SLC20A2: variants seen among roughly 807,000 people sequenced by gnomAD.
SLC20A2 encodes the protein sodium-dependent phosphate transporter 2.
SLC20A2 carries 30 observed loss-of-function variants against 61.0 expected under a neutral mutation model. The ratio of observed to expected loss-of-function variants is 0.49; its 90% CI spans 0.37 to 0.67. The LOEUF is 0.67. Ranked by LOEUF, SLC20A2 falls within the 30% of genes least tolerant of loss-of-function variation. The pLI, the probability that SLC20A2 is intolerant of heterozygous loss-of-function variation, is 0.00. For missense variants in SLC20A2, 626 were observed against 866.4 expected (o/e 0.72, Z 3.48); for synonymous variants, 351 against 353.3 (o/e 0.99, Z 0.07).
chr8:42,487,176 CTTT>C (rs553949254), intron 1 of SLC20A2, among the ~76,000 whole-genome samples: 9 of 98,064 alleles, frequency 9.2e-5, no homozygotes, highest in Non-Finnish European at 1.4e-4. Flanking sequence ...TGGTTTCTTT[CTTT>C]TTTTTTTTTT....
chr8:42,457,536 A>T (rs1284766299), intron 5 of SLC20A2, among the ~76,000 whole-genome samples: 1 of 151,482 alleles, frequency 6.6e-6, no homozygotes, highest in Non-Finnish European at 1.5e-5. Context: ...GCTGGAGGGC[A>T]GTGGCGCAAG....
intron 5 of SLC20A2, among the ~76,000 whole-genome samples, chr8:42,456,987 G>A (rs1224772774): frequency 2.0e-5 from 3 of 151,752 alleles, no homozygotes; most frequent in Admixed American, 1.3e-4. Flanking sequence ...GCAGTGGCGG[G>A]ATCTCGGCTC....
chr8:42,463,814 T>A (rs2131179325), intron 3 of SLC20A2, among the ~76,000 whole-genome samples: 1 of 152,184 alleles, frequency 6.6e-6, no homozygotes, highest in Admixed American at 6.5e-5. Flanking sequence ...AGCTCAGGGA[T>A]CCCATTTGAC....
intron 1 of SLC20A2, among the ~76,000 whole-genome samples, chr8:42,525,581 C>CAAAAAAAAAAAAA (rs34356863): frequency 4.4e-5 from 3 of 68,722 alleles, no homozygotes; most frequent in African/African-American, 1.2e-4. Flanking sequence ...GACTCTGTCT[C>CAAAAAAAAAAAAA]AAAAAAAAAA....
chr8:42,440,416 T>A (rs1382089873), intron 6 of SLC20A2, among the ~76,000 whole-genome samples: 2 of 152,216 alleles, frequency 1.3e-5, no homozygotes, highest in African/African-American at 4.8e-5. Flanking sequence ...TGGCTTTTTC[T>A]ACTCAGCATA....
chr8:42,475,688 G>A (rs1266136330), intron 1 of SLC20A2, among the ~76,000 whole-genome samples: 1 of 152,012 alleles, frequency 6.6e-6, no homozygotes, highest in Non-Finnish European at 1.5e-5. Flanking sequence ...TGGGATTACA[G>A]GCGTGAGCCA....
intron 1 of SLC20A2, among the ~76,000 whole-genome samples, chr8:42,524,073 G>A (rs1251689891): frequency 2.6e-5 from 4 of 152,320 alleles, no homozygotes; most frequent in Middle Eastern, 3.4e-3. Flanking sequence ...GATAAAAGCT[G>A]TAACCCAGGC....
At chr8:42,430,587 C>T in intron 8 of SLC20A2, among the ~76,000 whole-genome samples, 1 of 152,012 alleles carries the variant, frequency 6.6e-6, no homozygotes, top group East Asian at 1.9e-4. Context: ...GGTCTCGAAC[C>T]CCTGACCTTG....
chr8:42,532,017 C>T (rs920371503), intron 1 of SLC20A2, among the ~76,000 whole-genome samples: 5 of 150,016 alleles, frequency 3.3e-5, no homozygotes, highest in Admixed American at 1.3e-4. Flanking sequence ...TTAGTAGAGA[C>T]GGGGTTTCAC....
At chr8:42,440,953 A>T (rs1804730273) in intron 6 of SLC20A2, among the ~76,000 whole-genome samples, 1 of 152,020 alleles carries the variant, frequency 6.6e-6, no homozygotes, top group South Asian at 2.1e-4. Flanking sequence ...GGTGCGTGCC[A>T]CCACGCCCAG....
At chr8:42,516,067 C>A (rs1470198454) in intron 1 of SLC20A2, among the ~76,000 whole-genome samples, 1 of 152,158 alleles carries the variant, frequency 6.6e-6, no homozygotes, top group Non-Finnish European at 1.5e-5. Flanking sequence ...GATGAAATTT[C>A]CTTTTTTAAT....
chr8:42,534,187 G>A (rs571658063), intron 1 of SLC20A2, among the ~76,000 whole-genome samples: 13 of 152,162 alleles, frequency 8.5e-5, no homozygotes, highest in East Asian at 3.9e-4. Flanking sequence ...CCCAAGGCAC[G>A]AGAATTACTT....
intron 1 of SLC20A2, chr8:42,484,794 C>T (rs980352461): frequency 3.2e-5 from 10 of 311,226 alleles, no homozygotes; most frequent in Admixed American, 7.2e-5. Context: ...CCATATCATG[C>T]GGGAGCACCT....
At chr8:42,473,546 C>G (rs1243074897) in intron 1 of SLC20A2, among the ~76,000 whole-genome samples, 2 of 152,148 alleles carry the variant, frequency 1.3e-5, no homozygotes, top group Non-Finnish European at 2.9e-5. Context: ...CAAATATCAC[C>G]GTTAAGAGAG....
intron 10 of SLC20A2, among the ~76,000 whole-genome samples, chr8:42,426,713 C>A (rs533748816): frequency 5.5e-4 from 83 of 151,896 alleles, no homozygotes; most frequent in Non-Finnish European, 9.4e-4. Flanking sequence ...CAAAACAAAA[C>A]AAAACAAAAC....
At position 42,463,031 on chromosome 8, in the gene SLC20A2, G is replaced by C. The variant is rs1240903522; in HGVS notation, c.490C>G (p.Leu164Val). 2 of 1,602,516 alleles carry C rather than the reference G, an allele frequency of 1.2e-6. No individual in the cohort carries two copies. The highest frequency in any genetic ancestry group is 1.7e-6 in the Non-Finnish European group (2 of 1,175,434). ...TTTTTTAAGATGAAAATTCTGATGAGTACAAACAGCAGGCCAGACATGAAA... is the reference window on the plus strand; with the variant it reads ...TTTTTTAAGATGAAAATTCTGATGACTACAAACAGCAGGCCAGACATGAAA... ...SGFMSGLLFVLIRIFILKKED... is the reference protein window; with the variant it reads ...SGFMSGLLFVVIRIFILKKED... The change falls in exon 4 of 11, where the codon CTC becomes GTC. Residue 164 changes from leucine to valine, a missense_variant. Leu to Val is a conservative substitution (Grantham distance 32, BLOSUM62 1). Around this residue, in one of 3 missense-constraint regions of SLC20A2, gnomAD observed 127 missense variants for 215.4 expected, o/e 0.59. Transcript: ENST00000520262.
chr8:42,447,542 G>A (rs1805319520), intron 5 of SLC20A2, among the ~76,000 whole-genome samples: 1 of 151,918 alleles, frequency 6.6e-6, no homozygotes, highest in African/African-American at 2.4e-5. Context: ...GCCAGGCGTG[G>A]TGGTGGGCAC....
chr8:42,532,067 TC>T (rs1317167447), intron 1 of SLC20A2, among the ~76,000 whole-genome samples: 1 of 151,832 alleles, frequency 6.6e-6, no homozygotes, highest in African/African-American at 2.4e-5. Context: ...GACCTTGTGA[TC>T]CACCCAACTC....
At chr8:42,489,097 G>A (rs762353971) in intron 1 of SLC20A2, among the ~76,000 whole-genome samples, 5 of 151,834 alleles carry the variant, frequency 3.3e-5, no homozygotes, top group African/African-American at 7.3e-5. Flanking sequence ...CTGCTACCAC[G>A]CCCAGCTAAT....
Sources: allele counts gnomAD v4.1 joint callset (sites outside exome capture counted in the v4.1 genomes callset), GRCh38; gene constraint gnomAD v4.1.1; regional missense constraint gnomAD v4.1.1; transcripts MANE v1.5; gene names NCBI Gene and HGNC (gene_info 2026-07-23, HGNC 2026-07-21).